Variants in BMAL2 observed in about 807,000 individuals in gnomAD.
The protein encoded by BMAL2 is basic helix-loop-helix ARNT like 2.
the BMAL2 span, chr12:27,418,245 C>G: frequency 8.1e-7 from 1 of 1,228,798 alleles, no homozygotes. Flanking sequence ...TCAAAACCCC[C>G]CTCTTAATCA....
At chr12:27,337,195 A>G in the BMAL2 span, among the ~76,000 whole-genome samples, 2 of 152,212 alleles carry the variant, frequency 1.3e-5, no homozygotes, top group East Asian at 3.8e-4. Flanking sequence ...AAGGAAATGT[A>G]AAGAGAATCA....
At chr12:27,363,455 C>T in the BMAL2 span, among the ~76,000 whole-genome samples, 6 of 152,318 alleles carry the variant, frequency 3.9e-5, no homozygotes, top group Non-Finnish European at 7.3e-5. Context: ...ATGAGCGTTT[C>T]CATTGCTCCT....
At chr12:27,407,564 T>C in the BMAL2 span, among the ~76,000 whole-genome samples, 1 of 152,002 alleles carries the variant, frequency 6.6e-6, no homozygotes, top group Admixed American at 6.6e-5. Context: ...AGACACAACA[T>C]ACCAGAATCT....
At chr12:27,332,967 C>T in the BMAL2 span, 3 of 952,230 alleles carry the variant, frequency 3.2e-6, no homozygotes, top group South Asian at 5.2e-5. Flanking sequence ...CCGCCAGTCC[C>T]CGCTTCCCTG....
At chr12:27,336,627 A>C in the BMAL2 span, among the ~76,000 whole-genome samples, 1 of 152,062 alleles carries the variant, frequency 6.6e-6, no homozygotes, top group African/African-American at 2.4e-5. Context: ...ATAATATCCC[A>C]TTTACCCACC....
chr12:27,355,564 AT>A, the BMAL2 span, among the ~76,000 whole-genome samples: 3 of 152,116 alleles, frequency 2.0e-5, no homozygotes, highest in Non-Finnish European at 4.4e-5. Context: ...CTATGATGTG[AT>A]AGACACCACT....
chr12:27,400,852 C>A, the BMAL2 span: 2 of 1,277,786 alleles, frequency 1.6e-6, no homozygotes, highest in African/African-American at 1.5e-5. Context: ...AGTAGCACTG[C>A]TAGTTTTTCT....
At chr12:27,333,676 C>CA in the BMAL2 span, among the ~76,000 whole-genome samples, 1 of 152,254 alleles carries the variant, frequency 6.6e-6, no homozygotes, top group South Asian at 2.1e-4. Flanking sequence ...CGCGGGGCCA[C>CA]ACTCCGGGAT....
At chr12:27,388,264 A>G in the BMAL2 span, among the ~76,000 whole-genome samples, 2 of 152,190 alleles carry the variant, frequency 1.3e-5, no homozygotes, top group African/African-American at 2.4e-5. Flanking sequence ...CCCATGATTC[A>G]GGATTTAGTC....
chr12:27,402,302 A>T, the BMAL2 span, among the ~76,000 whole-genome samples: 6 of 145,342 alleles, frequency 4.1e-5, no homozygotes, highest in South Asian at 2.2e-4. Flanking sequence ...GAAAAATAAT[A>T]AAAAAAAAAA....
chr12:27,396,254 G>A, the BMAL2 span, among the ~76,000 whole-genome samples: 1 of 152,110 alleles, frequency 6.6e-6, no homozygotes, highest in African/African-American at 2.4e-5. Context: ...TTGGCTTCTA[G>A]GAAGCACTCA....
chr12:27,408,287 C>G, the BMAL2 span, among the ~76,000 whole-genome samples: 2 of 151,904 alleles, frequency 1.3e-5, no homozygotes, highest in Non-Finnish European at 2.9e-5. Context: ...AGAGACACAA[C>G]AAAAAAAGAG....
chr12:27,413,450 C>G, the BMAL2 span, among the ~76,000 whole-genome samples: 1 of 152,114 alleles, frequency 6.6e-6, no homozygotes, highest in Non-Finnish European at 1.5e-5. Context: ...TTAAAATGTC[C>G]TGTTATAATG....
chr12:27,384,761 T>C, the BMAL2 span, among the ~76,000 whole-genome samples: 2 of 152,238 alleles, frequency 1.3e-5, no homozygotes, highest in African/African-American at 4.8e-5. Flanking sequence ...AAAAATGTTA[T>C]ATGTTCTGTC....
the BMAL2 span, among the ~76,000 whole-genome samples, chr12:27,336,795 T>TA: frequency 6.6e-6 from 1 of 151,682 alleles, no homozygotes. Context: ...TACTAAAAAA[T>TA]ACAAAAATTA....
At chr12:27,369,843 C>T in the BMAL2 span, among the ~76,000 whole-genome samples, 5 of 152,136 alleles carry the variant, frequency 3.3e-5, no homozygotes, top group South Asian at 4.2e-4. Context: ...GAAGTACTGA[C>T]AGTATGGCAT....
At chr12:27,369,502 A>G in the BMAL2 span, among the ~76,000 whole-genome samples, 1 of 152,228 alleles carries the variant, frequency 6.6e-6, no homozygotes, top group Admixed American at 6.5e-5. Flanking sequence ...TTCCATTAAC[A>G]TGGATGCTTC....
the BMAL2 span, among the ~76,000 whole-genome samples, chr12:27,398,211 G>C: frequency 6.6e-6 from 1 of 152,212 alleles, no homozygotes; most frequent in Non-Finnish European, 1.5e-5. Context: ...ACACCAAGTT[G>C]AGAGACCTAG....
the BMAL2 span, among the ~76,000 whole-genome samples, chr12:27,388,102 C>T: frequency 4.4e-4 from 61 of 139,636 alleles, no homozygotes; most frequent in South Asian, 0.014. Flanking sequence ...CACACATGCA[C>T]GCACACACAC....
Sources: gnomAD v4.1 joint callset for allele counts (sites outside exome capture counted in the v4.1 genomes callset) on GRCh38, gnomAD v4.1.1 for gene constraint, MANE v1.5 for transcripts, NCBI Gene and HGNC (gene_info 2026-07-23, HGNC 2026-07-21) for gene names.